SLC27A1: variants seen among roughly 807,000 people sequenced by gnomAD.
SLC27A1 encodes the protein solute carrier family 27 member 1.
A neutral mutation model predicts 62.2 loss-of-function variants in SLC27A1; 61 were observed. That is an observed-to-expected ratio of 0.98 (90% confidence interval 0.80 to 1.21). SLC27A1 has a LOEUF of 1.21. SLC27A1 is among the 50% of genes most tolerant of loss of function. SLC27A1 has a pLI of 0.00. For missense variants in SLC27A1, 903 were observed against 932.1 expected, an observed-to-expected ratio of 0.97 and a Z score of 0.41; for synonymous variants, 435 against 408.6, an observed-to-expected ratio of 1.06 and a Z score of -0.78.
At chr19:17,475,453 T>C (rs192788065) in intron 1 of SLC27A1, among the ~76,000 whole-genome samples, 106 of 152,162 alleles carry the variant, frequency 7.0e-4, no homozygotes, top group African/African-American at 2.4e-3. Context: ...GAGGATTGCT[T>C]GAGTCCAGGA....
intron 1 of SLC27A1, among the ~76,000 whole-genome samples, chr19:17,472,312 G>A (rs1176501207): frequency 2.6e-5 from 4 of 151,334 alleles, no homozygotes; most frequent in African/African-American, 9.7e-5. Context: ...GGAGAATGGT[G>A]TGAACCCCGG....
At chr19:17,483,794 C>G (rs1184833683) in intron 1 of SLC27A1, 1 of 152,868 alleles carries the variant, frequency 6.5e-6, no homozygotes, top group African/African-American at 2.4e-5. Flanking sequence ...CTCAACTGTG[C>G]CCCATTCCCA....
In SLC27A1 at chr19:17,505,651, G is replaced by C. The variant is rs925619130; in HGVS notation, c.*1039G>C. On this transcript the variant is annotated 3_prime_UTR_variant, in exon 12 of 12. Transcript: ENST00000252595. ...GTCCCCATTTAGCCATCTCCATGGA[G>C]CTCCTGCTGGAGGGCCCTGAACCCT... The C allele has an allele frequency of 6.5e-6, 1 of 152,982 alleles. No individual in the cohort carries two copies. The highest frequency in any genetic ancestry group is 6.5e-5 in the Admixed American group (1 of 15,296). 9.5% of individuals were successfully genotyped at this position (152,982 alleles called of 1,614,324 possible). A position where few individuals can be genotyped will look rare whatever the true frequency, so the allele number is the denominator to read the frequency against.
rs1426074217 is a variant in SLC27A1, at chr19:17,504,502, C to T, written c.1831C>T (p.Pro611Ser). The T allele has an allele frequency of 6.2e-7, 1 of 1,614,050 alleles. No individual in the cohort carries two copies. Among genetic ancestry groups the T allele is most frequent in the African/African-American group, 1.3e-5 (1 of 74,926 alleles). The part of the protein sequence containing the change: ...KTRLQREGFD[P>S]RQTSDRLFFL... ...GAGGCTGCAGCGAGAGGGCTTTGACCCACGCCAGACCTCAGACCGGCTCTT... is the reference window on the plus strand; with the variant it reads ...GAGGCTGCAGCGAGAGGGCTTTGACTCACGCCAGACCTCAGACCGGCTCTT... The change falls in exon 12 of 12, where the codon CCA (proline) becomes TCA (serine). Residue 611 changes from proline (P) to serine (S), a missense_variant. Pro to Ser is a moderately conservative substitution (Grantham distance 74). Transcript: ENST00000252595.
chr19:17,473,970 T>G (rs933844237), intron 1 of SLC27A1, among the ~76,000 whole-genome samples: 1 of 152,196 alleles, frequency 6.6e-6, no homozygotes, highest in Non-Finnish European at 1.5e-5. Flanking sequence ...TTTGATAAAG[T>G]CTCACTCTGT....
At chr19:17,470,373 G>A, upstream of SLC27A1, 2 of 806,668 alleles carry the variant, frequency 2.5e-6, no homozygotes, top group Non-Finnish European at 1.8e-6. Flanking sequence ...CCAATCCCAG[G>A]CCTGGGGGCG....
upstream of SLC27A1, among the ~76,000 whole-genome samples, chr19:17,470,076 A>G (rs75369529): frequency 5.5e-3 from 840 of 152,210 alleles, 7 homozygotes; most frequent in African/African-American, 0.016. Context: ...GAAAGGGGAC[A>G]GGACGTGAAG....
In SLC27A1 at chr19:17,488,999, C is replaced by T. The variant is rs1459102580; in HGVS notation, c.887-9C>T. On this transcript the variant is annotated splice_polypyrimidine_tract_variant and intron_variant, in intron 5 of 11. Coordinates refer to ENST00000252595, the MANE Select transcript of SLC27A1 (RefSeq NM_198580.3). ...GCGGGGGACCCCTTACCAAGGCCACCCTCTGCAGGAAACATCATCGGCGTG... is the reference window on the plus strand; with the variant it reads ...GCGGGGGACCCCTTACCAAGGCCACTCTCTGCAGGAAACATCATCGGCGTG... The T allele has an allele frequency of 6.2e-7, 1 of 1,614,018 alleles. No individual in the cohort carries two copies. The highest frequency in any genetic ancestry group is 8.5e-7 in the Non-Finnish European group (1 of 1,179,952).
At chr19:17,493,444 A>G (rs1410939173) in intron 6 of SLC27A1, among the ~76,000 whole-genome samples, 1 of 151,438 alleles carries the variant, frequency 6.6e-6, no homozygotes, top group East Asian at 1.9e-4. Context: ...AAAAAAAAAA[A>G]AAAAACAGGA....
At chr19:17,499,899 T>TCCC in intron 7 of SLC27A1, 1 of 206,254 alleles carries the variant, frequency 4.8e-6, no homozygotes. Flanking sequence ...GGCTCAAACA[T>TCCC]GTTGGAGAAG....
intron 6 of SLC27A1, chr19:17,496,916 G>A (rs2075355799): frequency 9.1e-6 from 2 of 219,702 alleles, no homozygotes; most frequent in South Asian, 8.8e-5. Flanking sequence ...CCAGCTACTC[G>A]GGAGGCTAAG....
intron 1 of SLC27A1, among the ~76,000 whole-genome samples, chr19:17,478,724 G>T (rs2144554163): frequency 6.6e-6 from 1 of 152,150 alleles, no homozygotes; most frequent in African/African-American, 2.4e-5. Context: ...AGGTGTGGTG[G>T]TGTACGCCTG....
Position 17,487,213 on chromosome 19 carries a change from T to C in SLC27A1, c.602T>C (p.Ile201Thr). ...AGCGGGCATCTGGGGAAAAGTTTGA[T>C]CAAGTTCTGCTCTGGAGACTTGGGG... is the stretch of plus-strand genomic sequence containing the variant. Reference protein sequence around the residue: ...EVSGHLGKSLIKFCSGDLGPE... With the variant: ...EVSGHLGKSLTKFCSGDLGPE... The change falls in exon 3 of 12, where the codon ATC becomes ACC. Residue 201 changes from isoleucine (I) to threonine (T), a missense_variant. By Grantham distance (89) the Ile-to-Thr change is moderately conservative. Coordinates refer to ENST00000252595, the MANE Select transcript of SLC27A1 (RefSeq NM_198580.3). 1 of 1,614,032 alleles carries C rather than the reference T, an allele frequency of 6.2e-7. No individual in the cohort carries two copies. The highest frequency in any genetic ancestry group is 8.5e-7 in the Non-Finnish European group (1 of 1,179,970).
chr19:17,502,882 T>C (rs1568426431), intron 11 of SLC27A1, among the ~76,000 whole-genome samples: 1 of 152,150 alleles, frequency 6.6e-6, no homozygotes, highest in Non-Finnish European at 1.5e-5. Flanking sequence ...AGATGGGGTC[T>C]GTATTAGTCC....
At chr19:17,503,973 CAG>C (rs762614762) in intron 11 of SLC27A1, among the ~76,000 whole-genome samples, 1 of 142,766 alleles carries the variant, frequency 7.0e-6, no homozygotes, top group East Asian at 2.1e-4. Context: ...TTTGCAGAGA[CAG>C]AGTCTCACTA....
intron 6 of SLC27A1, among the ~76,000 whole-genome samples, chr19:17,490,402 C>A (rs1406060962): frequency 2.0e-5 from 3 of 152,118 alleles, no homozygotes; most frequent in African/African-American, 7.2e-5. Flanking sequence ...AATCCACCCA[C>A]CTCGGACTCC....
intron 11 of SLC27A1, among the ~76,000 whole-genome samples, chr19:17,503,976 A>G (rs1041793317): frequency 2.0e-5 from 3 of 148,626 alleles, no homozygotes; most frequent in African/African-American, 7.4e-5. Context: ...GCAGAGACAG[A>G]GTCTCACTAT....
chr19:17,483,115 AGG>A (rs377489256), intron 1 of SLC27A1, among the ~76,000 whole-genome samples: 100 of 152,304 alleles, frequency 6.6e-4, no homozygotes, highest in African/African-American at 2.3e-3. Flanking sequence ...TGAGGGAATG[AGG>A]GAATGAATGA....
intron 1 of SLC27A1, among the ~76,000 whole-genome samples, chr19:17,473,816 C>T (rs576625002): frequency 6.6e-6 from 1 of 152,122 alleles, no homozygotes; most frequent in South Asian, 2.1e-4. Flanking sequence ...GAGCCAAGAT[C>T]GTGCCATTAC....
Sources: gnomAD v4.1 joint callset for allele counts (sites outside exome capture counted in the v4.1 genomes callset) on GRCh38, gnomAD v4.1.1 for gene constraint, MANE v1.5 for transcripts, NCBI Gene and HGNC (gene_info 2026-07-23, HGNC 2026-07-21) for gene names.